Variants in ARHGAP32 observed in about 807,000 individuals in gnomAD.
ARHGAP32 encodes rho GTPase-activating protein 32.
In ARHGAP32, 51 loss-of-function variants were observed where a neutral mutation model predicts 186.5. That is an observed-to-expected ratio of 0.27 (90% CI 0.22 to 0.35). ARHGAP32 has a LOEUF of 0.35. Ranked by LOEUF, ARHGAP32 falls within the 10% of genes least tolerant of loss-of-function variation. ARHGAP32 has a pLI of 1.00. For synonymous variants in ARHGAP32, 950 were observed against 964.3 expected (o/e 0.99, Z 0.27); for missense variants, 2,186 against 2,623.5 (o/e 0.83, Z 3.64).
intron 6 of ARHGAP32, among the ~76,000 whole-genome samples, chr11:129,073,311 T>C (rs1940929786): frequency 6.6e-6 from 1 of 152,038 alleles, no homozygotes; most frequent in South Asian, 2.1e-4. Flanking sequence ...AGACCAATAA[T>C]TTAAAAGAAC....
intron 10 of ARHGAP32, among the ~76,000 whole-genome samples, chr11:129,057,937 C>G (rs528329954): frequency 1.3e-5 from 2 of 152,016 alleles, no homozygotes; most frequent in African/African-American, 4.8e-5. Flanking sequence ...CATCTGTGAG[C>G]CAAGGAGAGA....
chr11:128,969,656 C>T lies in ARHGAP32; in HGVS notation c.5557G>A (p.Ala1853Thr), dbSNP rs559708581. Reference protein sequence around the residue: ...RRHPEAEMDRAHHHGGHGSTQ... With the variant: ...RRHPEAEMDRTHHHGGHGSTQ... ...CTACCATGGCCTCCGTGATGGTGGG[C>T]TCTGTCCATCTCTGCCTCGGGATGC... The change falls in exon 23 of 23, where the codon GCC (alanine) becomes ACC (threonine). Residue 1853 changes from alanine (A) to threonine (T), a missense_variant. Ala to Thr is a moderately conservative substitution (Grantham distance 58). Around this residue, in one of 5 missense-constraint regions of ARHGAP32, gnomAD observed 1,502 missense variants for 1,570.0 expected, o/e 0.96. Transcript: ENST00000682385. This position sits in a 1 kb window ranked among gnomAD's most constrained non-coding sequence, Gnocchi z 4.8. 1.9e-5 allele frequency: 30 copies of T among 1,614,108 alleles called. No homozygotes were observed. In the African/African-American group the frequency reaches 2.9e-4, roughly 16 times the overall value.
At chr11:129,185,295 C>G (rs1944136409) in intron 1 of ARHGAP32, among the ~76,000 whole-genome samples, 1 of 152,210 alleles carries the variant, frequency 6.6e-6, no homozygotes, top group Non-Finnish European at 1.5e-5. Context: ...AGGTCATGTC[C>G]TTTGTAGGGA....
In ARHGAP32 at chr11:128,972,760, G is replaced by A. The variant is rs1456522927; in HGVS notation, c.3746C>T (p.Pro1249Leu). ...ATCGCTAGGTAAATTAGGAGGTGTG[G>A]GAGATTTGTCTGCAAATTCTAAAGG... ...HHPLEFADKSPTPPNLPSDKI... is the reference protein window; with the variant it reads ...HHPLEFADKSLTPPNLPSDKI... The change falls in exon 22 of 23, where the codon CCC (proline) becomes CTC (leucine). Residue 1249 changes from proline (P) to leucine (L), a missense_variant. Physicochemically the swap from Pro to Leu is moderately conservative, Grantham distance 98. Around this residue, in one of 5 missense-constraint regions of ARHGAP32, gnomAD observed 1,502 missense variants for 1,570.0 expected, o/e 0.96. Transcript: ENST00000682385. The A allele has an allele frequency of 6.2e-7, 1 of 1,613,964 alleles. No homozygotes were observed. Among genetic ancestry groups the A allele is most frequent in the East Asian group, 2.2e-5 (1 of 44,858 alleles).
intron 1 of ARHGAP32, among the ~76,000 whole-genome samples, chr11:129,170,493 C>T (rs1165734772): frequency 6.6e-6 from 1 of 152,140 alleles, no homozygotes; most frequent in East Asian, 1.9e-4. Flanking sequence ...GTCCATGTCC[C>T]TGAAAAGGAC....
At chr11:129,176,474 C>G (rs1211789767) in intron 1 of ARHGAP32, among the ~76,000 whole-genome samples, 3 of 81,896 alleles carry the variant, frequency 3.7e-5, no homozygotes, top group Admixed American at 1.2e-4. Context: ...CCCAAATCAA[C>G]AGAATATACA....
At chr11:128,974,081 T>A (rs577473798) in intron 21 of ARHGAP32, 43 bp downstream of exon 21, 1 of 1,595,770 alleles carries the variant, frequency 6.3e-7, no homozygotes, top group South Asian at 1.1e-5. Flanking sequence ...GGATTGAAGA[T>A]CCCTCTTAAC....
At chr11:129,132,888 T>C (rs542824921) in intron 2 of ARHGAP32, among the ~76,000 whole-genome samples, 1 of 152,198 alleles carries the variant, frequency 6.6e-6, no homozygotes, top group South Asian at 2.1e-4. Context: ...ATAAAAACTA[T>C]AAAAAACCCA....
intron 1 of ARHGAP32, among the ~76,000 whole-genome samples, chr11:129,229,780 A>G (rs1944833855): frequency 6.6e-6 from 1 of 152,094 alleles, no homozygotes; most frequent in African/African-American, 2.4e-5. Flanking sequence ...GAATATTAAG[A>G]TATATATATG....
intron 11 of ARHGAP32, among the ~76,000 whole-genome samples, chr11:129,023,617 G>A (rs1197758240): frequency 6.6e-6 from 1 of 152,122 alleles, no homozygotes; most frequent in African/African-American, 2.4e-5. Context: ...TCTTGAAACC[G>A]ACTGGGAACA....
chr11:129,009,569 T>C (rs1420620450), intron 11 of ARHGAP32, among the ~76,000 whole-genome samples: 4 of 152,222 alleles, frequency 2.6e-5, no homozygotes, highest in South Asian at 2.1e-4. Context: ...CTCCCACTTA[T>C]AAGTGAGAAC....
intron 1 of ARHGAP32, among the ~76,000 whole-genome samples, chr11:129,209,742 C>CT (rs1944557775): frequency 1.3e-5 from 2 of 151,892 alleles, no homozygotes; most frequent in African/African-American, 4.8e-5. Flanking sequence ...TTTTTCTTCT[C>CT]TAACTCTTAA....
chr11:129,269,383 A>G (rs1053977969), intron 1 of ARHGAP32, among the ~76,000 whole-genome samples: 2 of 152,192 alleles, frequency 1.3e-5, no homozygotes, highest in African/African-American at 4.8e-5. Flanking sequence ...TATACAGGTA[A>G]TCATGATGGT....
At chr11:129,009,581 T>C (rs976442317) in intron 11 of ARHGAP32, among the ~76,000 whole-genome samples, 2 of 152,234 alleles carry the variant, frequency 1.3e-5, no homozygotes, top group East Asian at 1.9e-4. Context: ...AGTGAGAACA[T>C]GCAGTGTTTA....
At chr11:128,996,829 T>C (rs1346287588) in intron 12 of ARHGAP32, among the ~76,000 whole-genome samples, 1 of 152,102 alleles carries the variant, frequency 6.6e-6, no homozygotes, top group Non-Finnish European at 1.5e-5. Flanking sequence ...TCGCCCAGGC[T>C]GGAGTGCAGT....
intron 2 of ARHGAP32, among the ~76,000 whole-genome samples, chr11:129,161,273 G>A (rs1943524259): frequency 6.6e-6 from 1 of 151,624 alleles, no homozygotes. Context: ...AACACCAAAA[G>A]CAATAGCAAA....
intron 5 of ARHGAP32, among the ~76,000 whole-genome samples, chr11:129,101,561 A>C (rs114621918): frequency 0.012 from 1,771 of 152,344 alleles, 34 homozygotes; most frequent in African/African-American, 0.04. Flanking sequence ...TAATGCAATC[A>C]CAAGTATTAA....
chr11:129,013,576 A>C (rs1938193745), intron 11 of ARHGAP32, among the ~76,000 whole-genome samples: 1 of 152,234 alleles, frequency 6.6e-6, no homozygotes, highest in African/African-American at 2.4e-5. Flanking sequence ...TCTGGCATAC[A>C]TAATTAAATA....
chr11:129,012,881 A>C (rs1384137508), intron 11 of ARHGAP32, among the ~76,000 whole-genome samples: 1 of 152,194 alleles, frequency 6.6e-6, no homozygotes, highest in Non-Finnish European at 1.5e-5. Flanking sequence ...ACTGACCAAT[A>C]AACATACATC....
Sources: gnomAD v4.1 joint callset for allele counts (sites outside exome capture counted in the v4.1 genomes callset) on GRCh38, gnomAD v4.1.1 for gene constraint, gnomAD v4.1.1 regional missense constraint, Gnocchi (gnomAD v3.1) non-coding constraint, MANE v1.5 for transcripts, NCBI Gene and HGNC (gene_info 2026-07-23, HGNC 2026-07-21) for gene names.